DGKB: variants seen among roughly 807,000 people sequenced by gnomAD.
DGKB encodes diacylglycerol kinase beta, also known as 90 kDa diacylglycerol kinase.
In DGKB, 67 loss-of-function variants were observed where a neutral mutation model predicts 114.3. The ratio of observed to expected loss-of-function variants is 0.59; its 90% CI spans 0.48 to 0.72. The LOEUF is 0.72. Ranked by LOEUF, DGKB falls within the 30% of genes least tolerant of loss-of-function variation. The pLI is 0.00. For missense variants in DGKB, 907 were observed against 975.2 expected (o/e 0.93, Z 0.93); for synonymous variants, 398 against 323.1 (o/e 1.23, Z -2.49).
chr7:14,726,647 C>T (rs1471245899), intron 5 of DGKB, among the ~76,000 whole-genome samples: 2 of 152,194 alleles, frequency 1.3e-5, no homozygotes, highest in African/African-American at 4.8e-5. Context: ...TTTCATCTTC[C>T]ATTTGGCCCA....
intron 13 of DGKB, among the ~76,000 whole-genome samples, chr7:14,642,340 C>A (rs1811964488): frequency 6.6e-6 from 1 of 152,060 alleles, no homozygotes; most frequent in Admixed American, 6.6e-5. Context: ...TAACTTTTAT[C>A]TGCCATCCTT....
chr7:14,330,076 T>G (rs1351674017), intron 23 of DGKB, among the ~76,000 whole-genome samples: 2 of 151,978 alleles, frequency 1.3e-5, no homozygotes, highest in South Asian at 4.1e-4. Flanking sequence ...TTTCTAATCT[T>G]CTCTGCAATT....
chr7:14,682,213 T>G (rs1442853582), intron 12 of DGKB, among the ~76,000 whole-genome samples: 1 of 152,044 alleles, frequency 6.6e-6, no homozygotes, highest in Non-Finnish European at 1.5e-5. Context: ...AAGGGAGAGC[T>G]GAGTTCTACC....
At chr7:14,825,706 G>T (rs1421702008) in intron 2 of DGKB, among the ~76,000 whole-genome samples, 1 of 152,122 alleles carries the variant, frequency 6.6e-6, no homozygotes, top group Non-Finnish European at 1.5e-5. Flanking sequence ...CAGGTCAGTG[G>T]CAGGGGTATT....
intron 2 of DGKB, among the ~76,000 whole-genome samples, chr7:14,806,259 A>C (rs915421640): frequency 6.6e-6 from 1 of 152,064 alleles, no homozygotes; most frequent in Non-Finnish European, 1.5e-5. Context: ...TCTTCATCCA[A>C]TTGATATTTG....
rs143189376 is a variant in DGKB, at chr7:14,878,896, T to C, written c.-188+23696A>G. Among the ~76,000 whole-genome samples the C allele has an allele frequency of 1.1e-4, 16 of 149,652 alleles. No homozygotes were observed. The East Asian group carries it at 2.9e-3, about 27-fold the overall frequency. ...CAAATCTTGCATATGTTTTAGCATA[T>C]AGGCTATAGGTTACAAGATCTGCCG... is the stretch of plus-strand genomic sequence containing the variant. On this transcript the variant is annotated intron_variant, in intron 1 of 25. Coordinates refer to ENST00000402815, the MANE Select transcript of DGKB (RefSeq NM_001350709.2).
intron 21 of DGKB, among the ~76,000 whole-genome samples, chr7:14,456,544 G>C (rs1024064123): frequency 6.6e-6 from 1 of 152,000 alleles, no homozygotes; most frequent in Non-Finnish European, 1.5e-5. Flanking sequence ...CTATGAATAA[G>C]TGATGTTTTA....
intron 20 of DGKB, among the ~76,000 whole-genome samples, chr7:14,547,326 T>C (rs1006325674): frequency 6.6e-6 from 1 of 152,100 alleles, no homozygotes; most frequent in Admixed American, 6.5e-5. Flanking sequence ...ACATACCACA[T>C]AAAGGATATA....
chr7:14,650,847 C>T (rs1197218996), intron 13 of DGKB, among the ~76,000 whole-genome samples: 1 of 150,824 alleles, frequency 6.6e-6, no homozygotes, highest in Non-Finnish European at 1.5e-5. Context: ...TACAAACTAC[C>T]ATCAGAGAAT....
chr7:14,459,432 C>T (rs1832760613), intron 21 of DGKB, among the ~76,000 whole-genome samples: 1 of 152,102 alleles, frequency 6.6e-6, no homozygotes, highest in South Asian at 2.1e-4. Context: ...CTGAAAAACA[C>T]AGCACAAGAA....
Position 14,520,210 on chromosome 7 carries a change from A to ATTTTTTT in DGKB, c.1771-41992_1771-41986dup, listed in dbSNP as rs386409562. On this transcript the variant is annotated intron_variant, in intron 20 of 25. Transcript: ENST00000402815. ...ATTATTGACTTTTATCTTTTTTCCT[A>ATTTTTTT]TTTTTTTTTTTTTTTTGCAGGAGGC... Among the ~76,000 whole-genome samples, 51 of 119,120 alleles carry ATTTTTTT rather than the reference A, an allele frequency of 4.3e-4. 2 individuals are homozygous for ATTTTTTT. The East Asian group carries it at 4.5e-3, about 10-fold the overall frequency. The allele number at this position is 119,120 out of a possible 152,430, so 78.1% of individuals were successfully genotyped here.
intron 13 of DGKB, among the ~76,000 whole-genome samples, chr7:14,642,619 C>A (rs1385593680): frequency 2.0e-5 from 3 of 152,004 alleles, no homozygotes; most frequent in African/African-American, 4.8e-5. Context: ...TACAATCAAG[C>A]CTATAATATT....
At chr7:14,798,297 G>C (rs1364827595) in intron 2 of DGKB, among the ~76,000 whole-genome samples, 1 of 152,100 alleles carries the variant, frequency 6.6e-6, no homozygotes, top group African/African-American at 2.4e-5. Flanking sequence ...GAATTTGTCT[G>C]TTTCCTATCG....
At chr7:14,810,086 T>C (rs1380895867) in intron 2 of DGKB, among the ~76,000 whole-genome samples, 1 of 152,208 alleles carries the variant, frequency 6.6e-6, no homozygotes, top group East Asian at 1.9e-4. Flanking sequence ...AAGTTTTTCC[T>C]GGAGACTTGA....
At chr7:14,797,084 A>G (rs1841512340) in intron 2 of DGKB, among the ~76,000 whole-genome samples, 1 of 152,208 alleles carries the variant, frequency 6.6e-6, no homozygotes, top group African/African-American at 2.4e-5. Context: ...GGTGGAGTTT[A>G]TGTTGAAAAA....
At chr7:14,612,624 T>G (rs1379077666) in intron 16 of DGKB, among the ~76,000 whole-genome samples, 1 of 152,110 alleles carries the variant, frequency 6.6e-6, no homozygotes, top group Non-Finnish European at 1.5e-5. Flanking sequence ...TTATCATGTT[T>G]GTTATGAGTG....
intron 25 of DGKB, among the ~76,000 whole-genome samples, chr7:14,161,893 G>A (rs909485953): frequency 5.9e-5 from 9 of 151,994 alleles, no homozygotes; most frequent in African/African-American, 1.4e-4. Flanking sequence ...AATATTCGAG[G>A]AAATAAAAAT....
chr7:14,692,305 C>T (rs1823011217), intron 9 of DGKB, among the ~76,000 whole-genome samples: 1 of 152,088 alleles, frequency 6.6e-6, no homozygotes, highest in Non-Finnish European at 1.5e-5. Context: ...TGCATCTTCC[C>T]TCCTTCTCTC....
intron 17 of DGKB, among the ~76,000 whole-genome samples, chr7:14,606,249 AC>A (rs1237178832): frequency 6.6e-6 from 1 of 152,014 alleles, no homozygotes; most frequent in African/African-American, 2.4e-5. Flanking sequence ...CACTTAGCCA[AC>A]AGTCTGATCA....
Sources: allele counts gnomAD v4.1 joint callset (sites outside exome capture counted in the v4.1 genomes callset), GRCh38; gene constraint gnomAD v4.1.1; transcripts MANE v1.5; gene names NCBI Gene and HGNC (gene_info 2026-07-23, HGNC 2026-07-21).